Variants in CSRNP3 observed in about 807,000 individuals in gnomAD.
CSRNP3 encodes the protein cysteine/serine-rich nuclear protein 3.
Under a neutral mutation model 48.0 loss-of-function variants are expected in CSRNP3, and 12 were observed. The ratio of observed to expected loss-of-function variants is 0.25; its 90% CI spans 0.16 to 0.41. The LOEUF (loss-of-function observed/expected upper bound fraction) is 0.41. Among genes scored for constraint, CSRNP3 ranks in the 10% least tolerant of loss-of-function variants. The pLI, the probability that CSRNP3 is intolerant of heterozygous loss-of-function variation, is 1.00. For missense variants in CSRNP3, 580 were observed against 724.4 expected (o/e 0.80, Z 2.29); for synonymous variants, 263 against 269.7 (o/e 0.98, Z 0.24).
intron 1 of CSRNP3, among the ~76,000 whole-genome samples, chr2:165,481,507 C>T (rs1684042662): frequency 6.6e-6 from 1 of 152,152 alleles, no homozygotes; most frequent in Non-Finnish European, 1.5e-5. Flanking sequence ...AGAGCCAGGG[C>T]ATCCTCAACA....
chr2:165,647,421 T>C (rs1573941916), intron 4 of CSRNP3, among the ~76,000 whole-genome samples: 2 of 152,180 alleles, frequency 1.3e-5, no homozygotes, highest in Non-Finnish European at 2.9e-5. Flanking sequence ...GATACCTCAA[T>C]AATGTATGTT....
chr2:165,548,253 T>C (rs1425673836), intron 3 of CSRNP3, among the ~76,000 whole-genome samples: 2 of 152,018 alleles, frequency 1.3e-5, no homozygotes, highest in African/African-American at 4.8e-5. Flanking sequence ...TAAAATATCA[T>C]GGGATTGGGG....
chr2:165,635,305 A>G (rs929563780), intron 4 of CSRNP3, among the ~76,000 whole-genome samples: 16 of 152,214 alleles, frequency 1.1e-4, no homozygotes, highest in Non-Finnish European at 2.1e-4. Flanking sequence ...ATATTTATAA[A>G]AAATGTACCT....
At chr2:165,600,631 T>C (rs1185180308) in intron 4 of CSRNP3, among the ~76,000 whole-genome samples, 1 of 152,216 alleles carries the variant, frequency 6.6e-6, no homozygotes, top group Non-Finnish European at 1.5e-5. Flanking sequence ...CCATTCTAAC[T>C]GGTGTGAGAT....
chr2:165,608,271 G>C (rs957102214), intron 4 of CSRNP3, among the ~76,000 whole-genome samples: 1 of 151,856 alleles, frequency 6.6e-6, no homozygotes, highest in Admixed American at 6.6e-5. Flanking sequence ...AGTAAAAATA[G>C]GAAATGATGG....
chr2:165,668,083 A>G (rs571862027), intron 5 of CSRNP3, among the ~76,000 whole-genome samples: 6 of 152,360 alleles, frequency 3.9e-5, no homozygotes, highest in Admixed American at 2.6e-4. Context: ...TGCTCACAGT[A>G]TGATAGGGGA....
chr2:165,639,090 T>C (rs1452163586), intron 4 of CSRNP3, among the ~76,000 whole-genome samples: 3 of 152,208 alleles, frequency 2.0e-5, no homozygotes, highest in Admixed American at 1.3e-4. Flanking sequence ...CACCATAACT[T>C]ATGCCTGAAA....
chr2:165,590,104 G>A (rs192980608), intron 3 of CSRNP3, among the ~76,000 whole-genome samples: 54 of 151,620 alleles, frequency 3.6e-4, no homozygotes, highest in African/African-American at 9.7e-4. Flanking sequence ...TTTTCTCTTC[G>A]CCCTACTCAG....
chr2:165,555,701 CA>C (rs1470579598), intron 3 of CSRNP3, among the ~76,000 whole-genome samples: 4 of 152,158 alleles, frequency 2.6e-5, no homozygotes, highest in African/African-American at 7.2e-5. Flanking sequence ...GAAACAATGA[CA>C]AAAGGCTCTT....
intron 2 of CSRNP3, among the ~76,000 whole-genome samples, chr2:165,504,551 G>A (rs1039927125): frequency 3.9e-5 from 6 of 152,014 alleles, no homozygotes; most frequent in African/African-American, 1.4e-4. Flanking sequence ...TCCATGCCAT[G>A]TAACAAAACT....
At chr2:165,618,462 T>A (rs575863061) in intron 4 of CSRNP3, among the ~76,000 whole-genome samples, 3 of 152,378 alleles carry the variant, frequency 2.0e-5, no homozygotes, top group African/African-American at 7.2e-5. Context: ...CAATATTTGC[T>A]AATACAGACT....
intron 2 of CSRNP3, among the ~76,000 whole-genome samples, chr2:165,498,757 T>C (rs1485828626): frequency 6.6e-6 from 1 of 152,132 alleles, no homozygotes; most frequent in Non-Finnish European, 1.5e-5. Context: ...GTGATGTTAA[T>C]GGTGCTGTCG....
intron 5 of CSRNP3, among the ~76,000 whole-genome samples, chr2:165,666,123 AAGG>A (rs1687191741): frequency 1.2e-5 from 1 of 80,768 alleles, no homozygotes; most frequent in South Asian, 4.2e-4. Flanking sequence ...GAGAGAGAGA[AAGG>A]AAGGAAGGAA....
chr2:165,679,331 A>G lies in CSRNP3; in HGVS notation c.1336A>G (p.Thr446Ala), dbSNP rs113363144. 6.2e-7 allele frequency: 1 copy of G among 1,613,468 alleles called. No homozygotes were observed. Among genetic ancestry groups the G allele is most frequent in the South Asian group, 1.1e-5 (1 of 91,052 alleles). ...CCAAATAGATAGCCACATTCCAGGAACTCCAAATCAGATCTCTGAGAACTA... is the reference window on the plus strand; with the variant it reads ...CCAAATAGATAGCCACATTCCAGGAGCTCCAAATCAGATCTCTGAGAACTA... ...YYQIDSHIPG[T>A]PNQISENYSE... The change falls in exon 7 of 7, where the codon ACT (threonine) becomes GCT (alanine). Residue 446 changes from threonine to alanine, a missense_variant. Thr to Ala is a moderately conservative substitution (Grantham distance 58). This residue lies in a region of CSRNP3 where 369 missense variants were observed against 380.8 expected (regional missense o/e 0.97). Coordinates refer to ENST00000651982, the MANE Select transcript of CSRNP3 (RefSeq NM_001172173.2).
intron 3 of CSRNP3, chr2:165,567,129 T>C (rs1361033964): frequency 3.3e-5 from 5 of 152,102 alleles, no homozygotes; most frequent in Admixed American, 6.6e-5. Flanking sequence ...TCCTGTTTCC[T>C]TTTAAACCTG....
intron 4 of CSRNP3, among the ~76,000 whole-genome samples, chr2:165,624,112 C>T (rs1036825659): frequency 6.6e-6 from 1 of 152,168 alleles, no homozygotes; most frequent in East Asian, 1.9e-4. Context: ...GTCTGTAAAG[C>T]AGGTTCAGGG....
chr2:165,557,626 C>T (rs1685177516), intron 3 of CSRNP3, among the ~76,000 whole-genome samples: 1 of 152,106 alleles, frequency 6.6e-6, no homozygotes, highest in Non-Finnish European at 1.5e-5. Flanking sequence ...CCATATATAC[C>T]CCACACTCTT....
chr2:165,681,845 C>T lies in CSRNP3; in HGVS notation c.*2092C>T. On this transcript the variant is annotated 3_prime_UTR_variant, in exon 7 of 7. Transcript: ENST00000651982. ...TGTGTGTGTGTATATATATATATCC[C>T]ATGTTGTCTGCAAAGTGACAGTTTT... The T allele has an allele frequency of 7.0e-6, 1 of 142,600 alleles. No individual in the cohort carries two copies. Among genetic ancestry groups the T allele is most frequent in the African/African-American group, 2.6e-5 (1 of 38,032 alleles). 8.8% of individuals were successfully genotyped at this position (142,600 alleles called of 1,614,324 possible). A position where few individuals can be genotyped will look rare whatever the true frequency, so the allele number is the denominator to read the frequency against.
chr2:165,550,143 G>A (rs1299336468), intron 3 of CSRNP3, among the ~76,000 whole-genome samples: 1 of 151,900 alleles, frequency 6.6e-6, no homozygotes, highest in Non-Finnish European at 1.5e-5. Context: ...ATGATTTGAG[G>A]ACAAAAACAA....
Sources: allele counts gnomAD v4.1 joint callset (sites outside exome capture counted in the v4.1 genomes callset), GRCh38; gene constraint gnomAD v4.1.1; regional missense constraint gnomAD v4.1.1; transcripts MANE v1.5; gene names NCBI Gene and HGNC (gene_info 2026-07-23, HGNC 2026-07-21).